The following ACTR3C variants were observed in gnomAD, a reference collection of about 807,000 sequenced individuals.
ACTR3C encodes actin related protein 3C.
Under a neutral mutation model 26.3 loss-of-function variants are expected in ACTR3C, and 18 were observed. That is an observed-to-expected ratio of 0.68 (90% confidence interval 0.47 to 1.01). ACTR3C has a LOEUF of 1.01. Ranked by LOEUF, ACTR3C falls within the 50% of genes least tolerant of loss-of-function variation. The pLI is 0.00. For synonymous variants in ACTR3C, 55 were observed against 94.5 expected, an observed-to-expected ratio of 0.58 and a Z score of 2.42; for missense variants, 184 against 250.7, an observed-to-expected ratio of 0.73 and a Z score of 1.80.
chr7:149,942,769 A>G, the ACTR3C span, among the ~76,000 whole-genome samples: 2,276 of 142,410 alleles, frequency 0.016, 41 homozygotes, highest in East Asian at 0.04. Flanking sequence ...CTTCTTGGTC[A>G]TAGTTACCAC....
chr7:149,895,241 T>A, the ACTR3C span, among the ~76,000 whole-genome samples: 1 of 151,428 alleles, frequency 6.6e-6, no homozygotes, highest in Non-Finnish European at 1.5e-5. Flanking sequence ...GGGCTGAGGC[T>A]GTTCGGGGAT....
the ACTR3C span, among the ~76,000 whole-genome samples, chr7:150,047,397 G>T: frequency 6.6e-6 from 1 of 152,104 alleles, no homozygotes; most frequent in African/African-American, 2.4e-5. Flanking sequence ...ACCAACTCCC[G>T]GCCGCCGCGG....
At chr7:150,003,390 G>A in the ACTR3C span, among the ~76,000 whole-genome samples, 229 of 150,970 alleles carry the variant, frequency 1.5e-3, no homozygotes, top group Middle Eastern at 0.01. Context: ...TTTGTGGTAT[G>A]TATGATGTAT....
At chr7:150,105,085 C>CT in the ACTR3C span, among the ~76,000 whole-genome samples, 4,085 of 138,534 alleles carry the variant, frequency 0.029, 216 homozygotes, top group African/African-American at 0.097. Context: ...TTCTTTTTTT[C>CT]TTTTTTTTTT....
At chr7:150,124,392 A>G in the ACTR3C span, among the ~76,000 whole-genome samples, 1 of 152,214 alleles carries the variant, frequency 6.6e-6, no homozygotes, top group Non-Finnish European at 1.5e-5. Flanking sequence ...AGGAAGCTTT[A>G]CTTTAAACCA....
At chr7:149,974,256 T>C in the ACTR3C span, among the ~76,000 whole-genome samples, 2 of 141,258 alleles carry the variant, frequency 1.4e-5, no homozygotes, top group Non-Finnish European at 3.0e-5. Context: ...TGACTTCTAT[T>C]ACCCACATGA....
Position 150,288,721 on chromosome 7 carries a change from G to C in ACTR3C, c.297+729C>G, listed in dbSNP as rs866092000. Among the ~76,000 whole-genome samples, 55 of 146,858 alleles carry C rather than the reference G, an allele frequency of 3.7e-4. 1 individual carries two copies. The Middle Eastern group carries it at 0.014, about 37-fold the overall frequency. On this transcript the variant is annotated intron_variant, in intron 4 of 7. Coordinates refer to ENST00000683684, the MANE Select transcript of ACTR3C (RefSeq NM_001164458.2). ...CCTCAGGAAACCTTCCCCTGAGATG[G>C]AAGGGACCACGTCTTCCCCACATCA...
the ACTR3C span, among the ~76,000 whole-genome samples, chr7:150,166,029 A>G: frequency 1.3e-5 from 2 of 151,686 alleles, 1 homozygote; most frequent in African/African-American, 4.9e-5. Flanking sequence ...TTATAATTAG[A>G]AACTAGAACA....
At chr7:149,933,233 T>G in the ACTR3C span, among the ~76,000 whole-genome samples, 2 of 151,562 alleles carry the variant, frequency 1.3e-5, no homozygotes, top group African/African-American at 4.9e-5. Context: ...CCTGCTCTTA[T>G]AGGATAAATC....
the ACTR3C span, among the ~76,000 whole-genome samples, chr7:149,981,754 G>C: frequency 6.6e-6 from 1 of 152,086 alleles, no homozygotes. Context: ...ATATTACAGG[G>C]GCAGCCCGAG....
chr7:150,111,950 TC>T, the ACTR3C span, among the ~76,000 whole-genome samples: 1 of 151,966 alleles, frequency 6.6e-6, no homozygotes, highest in Non-Finnish European at 1.5e-5. Context: ...CGCTGACTCC[TC>T]GTTTTTTAAG....
chr7:149,906,731 C>T, the ACTR3C span, among the ~76,000 whole-genome samples: 5 of 119,390 alleles, frequency 4.2e-5, no homozygotes, highest in East Asian at 9.5e-4. Context: ...CGCGCCCAGC[C>T]CACTGTTATA....
intron 1 of ACTR3C, among the ~76,000 whole-genome samples, chr7:150,304,136 G>A (rs1230823265): frequency 2.6e-5 from 4 of 152,176 alleles, no homozygotes; most frequent in African/African-American, 7.2e-5. Flanking sequence ...TGGAAAGTAC[G>A]TGCAGGAGGT....
At chr7:149,973,260 C>T in the ACTR3C span, among the ~76,000 whole-genome samples, 1 of 152,168 alleles carries the variant, frequency 6.6e-6, no homozygotes, top group African/African-American at 2.4e-5. Flanking sequence ...CCAGTCTAAC[C>T]CTGATGTTTG....
chr7:150,032,708 G>C, the ACTR3C span, among the ~76,000 whole-genome samples: 3 of 151,396 alleles, frequency 2.0e-5, no homozygotes, highest in Non-Finnish European at 4.4e-5. Context: ...TCCCAGATAA[G>C]AGTGAAGTCC....
At chr7:149,923,935 T>C in the ACTR3C span, among the ~76,000 whole-genome samples, 2 of 151,878 alleles carry the variant, frequency 1.3e-5, no homozygotes, top group Non-Finnish European at 2.9e-5. Flanking sequence ...AGGTGGAGGT[T>C]GCAGTGAGTC....
At chr7:150,235,266 GACAAC>G in the ACTR3C span, among the ~76,000 whole-genome samples, 2 of 152,188 alleles carry the variant, frequency 1.3e-5, no homozygotes, top group Admixed American at 6.5e-5. Flanking sequence ...GGATAAGCAA[GACAAC>G]ACAATAGATT....
chr7:150,198,108 G>A, the ACTR3C span, among the ~76,000 whole-genome samples: 1 of 151,430 alleles, frequency 6.6e-6, no homozygotes, highest in Non-Finnish European at 1.5e-5. Flanking sequence ...GGCCTCCCGA[G>A]GTGCCGGGAT....
chr7:149,910,311 T>C, the ACTR3C span, among the ~76,000 whole-genome samples: 1 of 152,204 alleles, frequency 6.6e-6, no homozygotes, highest in Admixed American at 6.5e-5. Flanking sequence ...CTGAGAATCA[T>C]CTGACAAGAG....
Sources: allele counts gnomAD v4.1 joint callset (sites outside exome capture counted in the v4.1 genomes callset), GRCh38; gene constraint gnomAD v4.1.1; transcripts MANE v1.5; gene names NCBI Gene and HGNC (gene_info 2026-07-23, HGNC 2026-07-21).